The following LRRC27 variants were observed in gnomAD, a reference collection of about 807,000 sequenced individuals.
LRRC27 encodes the protein leucine-rich repeat-containing protein 27.
A neutral mutation model predicts 55.0 loss-of-function variants in LRRC27; 57 were observed. The ratio of observed to expected loss-of-function variants is 1.04; its 90% CI spans 0.84 to 1.29. The LOEUF is 1.29. Among genes scored for constraint, LRRC27 ranks in the 50% most tolerant of loss-of-function variants. The pLI is 0.00. For missense variants in LRRC27, 721 were observed against 651.5 expected, an observed-to-expected ratio of 1.11 and a Z score of -1.16; for synonymous variants, 278 against 251.9, an observed-to-expected ratio of 1.10 and a Z score of -0.98.
chr10:132,335,098 A>G (rs1467436542), intron 2 of LRRC27: 1 of 152,254 alleles, frequency 6.6e-6, no homozygotes, highest in African/African-American at 2.4e-5. Context: ...TGTTCACCAC[A>G]TGAGAAACAA....
intron 4 of LRRC27, 41 bp from the exon 5 acceptor site, chr10:132,344,457 G>A (rs765219081): frequency 1.3e-6 from 2 of 1,568,518 alleles, no homozygotes; most frequent in Non-Finnish European, 1.7e-6. Flanking sequence ...TTTCAAGAAT[G>A]GTATATAGAA....
upstream of LRRC27, chr10:132,331,887 C>G (rs761650342): frequency 3.8e-6 from 4 of 1,055,298 alleles, no homozygotes; most frequent in Non-Finnish European, 5.3e-6. Flanking sequence ...GCGCACCACC[C>G]CCTGCCACCC....
Position 132,342,269 on chromosome 10 carries a change from TG to T in LRRC27, c.400+1del. On this transcript the variant is annotated frameshift_variant and splice_region_variant, in exon 4 of 11. Coordinates refer to ENST00000368614, the MANE Select transcript of LRRC27 (RefSeq NM_030626.3). LOFTEE classifies it high-confidence loss of function. ...CCTATCAAAATGTTACCTGTGGAGC[TG>T]GGTAAGTATAAAATAATAAAAAGAT... ...RNPIKMLPVE[L>X]GSVTTLKALN... 6.6e-7 allele frequency: 1 copy of T among 1,524,436 alleles called. No homozygotes were observed. The allele number at this position is 1,524,436 out of a possible 1,614,324, so 94.4% of individuals were successfully genotyped here.
Position 132,374,337 on chromosome 10 carries a change from C to T in LRRC27, c.1417-729C>T, listed in dbSNP as rs989262938. ...GCAAGCCGGGGAGGGAGACGGGAGC[C>T]GGGTGGCCCAGGGCTCCTGTGCTTG... On this transcript the variant is annotated intron_variant, in intron 10 of 10. Transcript: ENST00000368614. This position sits in a 1 kb window ranked among gnomAD's most constrained non-coding sequence, Gnocchi z 4.4. 4.6e-5 allele frequency among the ~76,000 whole-genome samples: 7 copies of T among 152,066 alleles called. No homozygotes were observed. The highest frequency in any genetic ancestry group is 2.1e-4 in the South Asian group (1 of 4,824).
chr10:132,340,808 A>T (rs1246218700), intron 3 of LRRC27, among the ~76,000 whole-genome samples: 1 of 151,796 alleles, frequency 6.6e-6, no homozygotes, highest in East Asian at 1.9e-4. Flanking sequence ...TACTAAAAAA[A>T]AAAAGTACAA....
In LRRC27 at chr10:132,370,033, A is replaced by G. The variant is rs534601619; in HGVS notation, c.1416+4483A>G. ...CGGTGCCACCCATTTCACAGGTCAG[A>G]AAACCCAGACTCACGGAGGTGCCAC... On this transcript the variant is annotated intron_variant, in intron 10 of 10. Coordinates refer to ENST00000368614, the MANE Select transcript of LRRC27 (RefSeq NM_030626.3). Among the ~76,000 whole-genome samples the G allele has an allele frequency of 7.2e-5, 11 of 152,258 alleles. No individual in the cohort carries two copies. The East Asian group carries it at 2.1e-3, about 29-fold the overall frequency.
At chr10:132,359,028 C>T (rs867758182) in intron 8 of LRRC27, among the ~76,000 whole-genome samples, 1 of 34,512 alleles carries the variant, frequency 2.9e-5, no homozygotes, top group African/African-American at 1.3e-4. Flanking sequence ...GGGGAGGAGC[C>T]GAGGTGATGG....
intron 3 of LRRC27, among the ~76,000 whole-genome samples, chr10:132,340,041 A>G (rs1474661140): frequency 2.0e-5 from 3 of 152,256 alleles, no homozygotes; most frequent in Non-Finnish European, 4.4e-5. Context: ...TAATTAAAAC[A>G]GTGACGGTGT....
chr10:132,364,054 A>T (rs1018143781), intron 9 of LRRC27, among the ~76,000 whole-genome samples: 2 of 152,010 alleles, frequency 1.3e-5, no homozygotes, highest in Non-Finnish European at 2.9e-5. Context: ...AGCAGACCAC[A>T]GTGGCCCGCT....
At chr10:132,367,347 G>T (rs569323640) in intron 10 of LRRC27, among the ~76,000 whole-genome samples, 1 of 152,152 alleles carries the variant, frequency 6.6e-6, no homozygotes, top group African/African-American at 2.4e-5. Context: ...ACCAATTCTC[G>T]ATAATCTCTT....
chr10:132,381,434 C>T lies in LRRC27; in HGVS notation c.*6192C>T, dbSNP rs1000364669. Among the ~76,000 whole-genome samples the T allele has an allele frequency of 1.3e-5, 2 of 152,230 alleles. No individual in the cohort carries two copies. Among genetic ancestry groups the T allele is most frequent in the Non-Finnish European group, 1.5e-5 (1 of 68,038 alleles). Reference sequence around the variant, plus strand: ...ACTGGCTTCCTTGCCCCTCAGTTTGCAGACAGCCTATTGTGGGACTTCACC... The same window carrying T: ...ACTGGCTTCCTTGCCCCTCAGTTTGTAGACAGCCTATTGTGGGACTTCACC... On this transcript the variant is annotated 3_prime_UTR_variant, in exon 11 of 11. Transcript: ENST00000368614.
chr10:132,353,288 G>A, intron 7 of LRRC27: 7 of 1,211,714 alleles, frequency 5.8e-6, no homozygotes, highest in South Asian at 1.8e-5. Context: ...TCCTTCCCTG[G>A]TCTGTCCTGT....
chr10:132,330,335 G>A, upstream of LRRC27: 1 of 666,354 alleles, frequency 1.5e-6, no homozygotes, highest in Non-Finnish European at 2.8e-6. Context: ...CTGGAATGCT[G>A]AAACTTGTTA....
intron 7 of LRRC27, among the ~76,000 whole-genome samples, chr10:132,354,773 G>T (rs1159579264): frequency 1.3e-5 from 2 of 152,314 alleles, no homozygotes; most frequent in East Asian, 3.9e-4. Flanking sequence ...CCGGCCTGGG[G>T]CCCAGGCGTC....
intron 10 of LRRC27, among the ~76,000 whole-genome samples, chr10:132,369,668 C>T (rs1200350402): frequency 6.6e-6 from 1 of 152,192 alleles, no homozygotes; most frequent in Non-Finnish European, 1.5e-5. Context: ...CAGACTGTGC[C>T]ACCCCACACA....
chr10:132,339,305 A>C (rs1370664249), intron 3 of LRRC27, among the ~76,000 whole-genome samples: 1 of 152,244 alleles, frequency 6.6e-6, no homozygotes, highest in Admixed American at 6.5e-5. Flanking sequence ...CACTGGTTTT[A>C]AAAATGTTTT....
At chr10:132,350,243 A>T (rs1268013711) in intron 6 of LRRC27, among the ~76,000 whole-genome samples, 3 of 152,218 alleles carry the variant, frequency 2.0e-5, no homozygotes, top group Admixed American at 1.3e-4. Flanking sequence ...TTATATTGGG[A>T]GGGAATCAAA....
Position 132,371,043 on chromosome 10 carries a change from C to T in LRRC27, c.1417-4023C>T, listed in dbSNP as rs528754725. Among the ~76,000 whole-genome samples the T allele has an allele frequency of 9.8e-5, 15 of 152,362 alleles. No individual in the cohort carries two copies. The South Asian group carries it at 2.3e-3, about 23-fold the overall frequency. ...CCGTATGGAGGCGGGCACGCATGTGCGTGAGACAGTTGGCATGTCCCAGGC... is the reference window on the plus strand; with the variant it reads ...CCGTATGGAGGCGGGCACGCATGTGTGTGAGACAGTTGGCATGTCCCAGGC... On this transcript the variant is annotated intron_variant, in intron 10 of 10. Transcript: ENST00000368614.
intron 3 of LRRC27, among the ~76,000 whole-genome samples, chr10:132,339,461 C>G (rs1171960553): frequency 6.6e-6 from 1 of 152,152 alleles, no homozygotes; most frequent in Non-Finnish European, 1.5e-5. Flanking sequence ...CATGGGGCTC[C>G]TAGGGACTCT....
Sources: allele counts gnomAD v4.1 joint callset (sites outside exome capture counted in the v4.1 genomes callset), GRCh38; gene constraint gnomAD v4.1.1; non-coding constraint Gnocchi (gnomAD v3.1); transcripts MANE v1.5; gene names NCBI Gene and HGNC (gene_info 2026-07-23, HGNC 2026-07-21).